Variants in MAF observed in about 807,000 individuals in gnomAD.
MAF encodes the protein transcription factor Maf.
In MAF, 10 loss-of-function variants were observed where a neutral mutation model predicts 22.0. The ratio of observed to expected loss-of-function variants is 0.45; its 90% confidence interval spans 0.28 to 0.77. The LOEUF (loss-of-function observed/expected upper bound fraction) is 0.77, where lower values mean the gene tolerates loss of function less well. Ranked by LOEUF, MAF falls within the 30% of genes least tolerant of loss-of-function variation. The pLI, the probability that MAF is intolerant of heterozygous loss-of-function variation, is 0.12. For synonymous variants in MAF, 337 were observed against 255.8 expected, an observed-to-expected ratio of 1.32 and a Z score of -3.03; for missense variants, 544 against 548.4, an observed-to-expected ratio of 0.99 and a Z score of 0.08.
At chr16:79,217,584 C>A in the MAF span, among the ~76,000 whole-genome samples, 1 of 152,212 alleles carries the variant, frequency 6.6e-6, no homozygotes, top group African/African-American at 2.4e-5. Flanking sequence ...TTCTCATGGA[C>A]TCAACATCCC....
the MAF span, among the ~76,000 whole-genome samples, chr16:79,487,457 T>G: frequency 6.6e-6 from 1 of 152,150 alleles, no homozygotes; most frequent in Non-Finnish European, 1.5e-5. Context: ...TCTTATTGTA[T>G]TATTTAATCT....
At chr16:79,551,921 T>A in the MAF span, among the ~76,000 whole-genome samples, 1 of 152,074 alleles carries the variant, frequency 6.6e-6, no homozygotes, top group Non-Finnish European at 1.5e-5. Flanking sequence ...TCCCTGGCAT[T>A]AGAGGACTGG....
the MAF span, among the ~76,000 whole-genome samples, chr16:79,435,765 C>A: frequency 6.6e-6 from 1 of 152,182 alleles, no homozygotes; most frequent in South Asian, 2.1e-4. Context: ...TTTGTCTTGA[C>A]CATATCCTTC....
the MAF span, among the ~76,000 whole-genome samples, chr16:79,396,228 C>T: frequency 6.6e-6 from 1 of 152,128 alleles, no homozygotes; most frequent in Non-Finnish European, 1.5e-5. Context: ...CTACTGGAGG[C>T]TTGGACGCAG....
At chr16:79,479,717 G>T in the MAF span, among the ~76,000 whole-genome samples, 1 of 152,236 alleles carries the variant, frequency 6.6e-6, no homozygotes, top group African/African-American at 2.4e-5. Context: ...TCCCACAGGA[G>T]AGAAAGGAAG....
the MAF span, among the ~76,000 whole-genome samples, chr16:79,435,027 C>T: frequency 6.6e-6 from 1 of 152,172 alleles, no homozygotes; most frequent in Non-Finnish European, 1.5e-5. Context: ...TGGGTCCCAG[C>T]AGAGTGTGGA....
the MAF span, among the ~76,000 whole-genome samples, chr16:79,324,294 C>A: frequency 0.058 from 8,816 of 152,188 alleles, 393 homozygotes; most frequent in Non-Finnish European, 0.075. Flanking sequence ...GGTCTTTGAG[C>A]AACATGGGTT....
At chr16:79,481,741 T>C in the MAF span, among the ~76,000 whole-genome samples, 1 of 152,164 alleles carries the variant, frequency 6.6e-6, no homozygotes, top group Admixed American at 6.5e-5. Flanking sequence ...TCCATGCAGG[T>C]ACTCACTTAT....
chr16:79,559,056 C>A, the MAF span, among the ~76,000 whole-genome samples: 1 of 152,144 alleles, frequency 6.6e-6, no homozygotes, highest in African/African-American at 2.4e-5. Context: ...TGTTTGTGAG[C>A]TGTTGACATT....
At chr16:79,447,490 A>C in the MAF span, among the ~76,000 whole-genome samples, 1 of 152,214 alleles carries the variant, frequency 6.6e-6, no homozygotes, top group Non-Finnish European at 1.5e-5. Context: ...CCAAGGAATA[A>C]TTTTGAATTT....
the MAF span, among the ~76,000 whole-genome samples, chr16:79,406,636 T>A: frequency 6.6e-6 from 1 of 152,132 alleles, no homozygotes; most frequent in Non-Finnish European, 1.5e-5. Context: ...TACCATCACA[T>A]TGGGGGATAG....
chr16:79,401,429 A>G, the MAF span, among the ~76,000 whole-genome samples: 1 of 152,172 alleles, frequency 6.6e-6, no homozygotes, highest in African/African-American at 2.4e-5. Flanking sequence ...TAAGTTGCCC[A>G]GAGTCACACA....
chr16:79,319,779 G>A, the MAF span, among the ~76,000 whole-genome samples: 1 of 152,164 alleles, frequency 6.6e-6, no homozygotes, highest in Non-Finnish European at 1.5e-5. Flanking sequence ...CTGCTTTCCT[G>A]GAGTTTATAT....
At chr16:79,211,729 C>T in the MAF span, 1,458 of 1,614,222 alleles carry the variant, frequency 9.0e-4, 1 homozygote, top group Non-Finnish European at 1.1e-3. Context: ...AGCGAAGAGA[C>T]GGCCCGGACC....
chr16:79,433,152 C>G, the MAF span, among the ~76,000 whole-genome samples: 1 of 152,130 alleles, frequency 6.6e-6, no homozygotes, highest in South Asian at 2.1e-4. Context: ...ATTATGAAAG[C>G]TGTGCACCTT....
At chr16:79,384,003 C>A in the MAF span, among the ~76,000 whole-genome samples, 1 of 152,166 alleles carries the variant, frequency 6.6e-6, no homozygotes, top group Non-Finnish European at 1.5e-5. Flanking sequence ...GAGCATAAGA[C>A]AGCAACCAGG....
At chr16:79,546,068 T>C in the MAF span, among the ~76,000 whole-genome samples, 1 of 151,996 alleles carries the variant, frequency 6.6e-6, no homozygotes. Flanking sequence ...TAAAATAAAA[T>C]ATATCACTAC....
chr16:79,341,883 G>A, the MAF span, among the ~76,000 whole-genome samples: 4 of 152,138 alleles, frequency 2.6e-5, no homozygotes, highest in East Asian at 1.9e-4. Flanking sequence ...GATTGGATGT[G>A]GCAGAATGAA....
the MAF span, among the ~76,000 whole-genome samples, chr16:79,476,251 GC>G: frequency 6.6e-6 from 1 of 152,132 alleles, no homozygotes; most frequent in African/African-American, 2.4e-5. Context: ...TGAGTCCCTG[GC>G]CAGGGAACAC....
Sources: allele counts gnomAD v4.1 joint callset (sites outside exome capture counted in the v4.1 genomes callset), GRCh38; gene constraint gnomAD v4.1.1; transcripts MANE v1.5; gene names NCBI Gene and HGNC (gene_info 2026-07-23, HGNC 2026-07-21).